Variants in TLE6 observed in about 807,000 individuals in gnomAD.
TLE6 encodes TLE family member 6, subcortical maternal complex member.
TLE6 carries 72 observed loss-of-function variants against 77.1 expected under a neutral mutation model. That is an observed-to-expected ratio of 0.93 (90% CI 0.77 to 1.14). The LOEUF (loss-of-function observed/expected upper bound fraction) is 1.14. Among genes scored for constraint, TLE6 ranks in the 50% most tolerant of loss-of-function variants. TLE6 has a pLI of 0.00. For synonymous variants in TLE6, 366 were observed against 287.3 expected, an observed-to-expected ratio of 1.27 and a Z score of -2.77; for missense variants, 843 against 747.6, an observed-to-expected ratio of 1.13 and a Z score of -1.49.
chr19:2,980,824 G>A (rs925292126), intron 3 of TLE6, among the ~76,000 whole-genome samples: 1 of 152,006 alleles, frequency 6.6e-6, no homozygotes, highest in African/African-American at 2.4e-5. Context: ...GCAGAGGCAG[G>A]AAGATCGCTT....
chr19:2,989,127 G>A lies in TLE6; in HGVS notation c.807G>A (p.Lys269=), dbSNP rs959607503. Residue 269 remains lysine (K), a synonymous_variant, in exon 12 of 17, where the codon AAG becomes AAA. Transcript: ENST00000246112. ...CAGATGCCTTGCCCGGGCAGTCAAA[G>A]AGACTCGCCGTCCCGTGCAAACTGG... ...KRPDALPGQS[K]RLAVPCKLEK... The A allele has an allele frequency of 6.2e-7, 1 of 1,614,168 alleles. No individual in the cohort carries two copies. The highest frequency in any genetic ancestry group is 8.5e-7 in the Non-Finnish European group (1 of 1,180,052).
intron 3 of TLE6, 200 bp downstream of exon 3, chr19:2,980,382 A>T: frequency 4.9e-6 from 2 of 409,236 alleles, no homozygotes; most frequent in Non-Finnish European, 8.9e-6. Flanking sequence ...ACCAACAAAT[A>T]TTAAAATTTT....
Position 2,991,937 on chromosome 19 carries a change from G to A in TLE6, c.1339G>A (p.Asp447Asn), listed in dbSNP as rs2089076742. Reference protein sequence around the residue: ...GGPDACLRCWDQRTIMKPLEY... With the variant: ...GGPDACLRCWNQRTIMKPLEY... ...TCCGGATGCCTGTCTGCGGTGCTGGGACCAGAGGACCATCATGAAACCTCT... is the reference window on the plus strand; with the variant it reads ...TCCGGATGCCTGTCTGCGGTGCTGGAACCAGAGGACCATCATGAAACCTCT... Residue 447 changes from aspartate (D) to asparagine (N), a missense_variant, in exon 14 of 17, where the codon GAC becomes AAC. By Grantham distance (23) the Asp-to-Asn change is conservative. Coordinates refer to ENST00000246112, the MANE Select transcript of TLE6 (RefSeq NM_001143986.2). The A allele has an allele frequency of 6.2e-7, 1 of 1,613,840 alleles. No homozygotes were observed. Among genetic ancestry groups the A allele is most frequent in the Admixed American group, 1.7e-5 (1 of 59,938 alleles).
At chr19:2,983,214 A>T (rs2088834974) in intron 5 of TLE6, among the ~76,000 whole-genome samples, 1 of 152,190 alleles carries the variant, frequency 6.6e-6, no homozygotes, top group Non-Finnish European at 1.5e-5. Flanking sequence ...TTCATTCAGC[A>T]GATATTTATC....
At chr19:2,989,442 A>G in intron 12 of TLE6, 93 bp from the exon 13 acceptor site, 1 of 1,569,170 alleles carries the variant, frequency 6.4e-7, no homozygotes, top group Non-Finnish European at 8.6e-7. Context: ...CTAGGAACCT[A>G]AAGGATGAAT....
intron 14 of TLE6, among the ~76,000 whole-genome samples, chr19:2,992,561 A>G (rs1244441928): frequency 6.6e-6 from 1 of 152,042 alleles, no homozygotes; most frequent in Non-Finnish European, 1.5e-5. Flanking sequence ...ACTTGAGCCC[A>G]GGAGTTTGAG....
intron 13 of TLE6, among the ~76,000 whole-genome samples, chr19:2,991,427 T>C (rs60400051): frequency 0.11 from 14,597 of 132,100 alleles, 2,966 homozygotes; most frequent in African/African-American, 0.41. Flanking sequence ...CACACACACA[T>C]ATATATAATA....
chr19:2,994,840 G>T (rs2089173229), intron 16 of TLE6, 60 bp from the exon 17 acceptor site: 1 of 973,038 alleles, frequency 1.0e-6, no homozygotes, highest in Non-Finnish European at 1.6e-6. Context: ...TGAGCTGACA[G>T]GTGGAGACCA....
intron 15 of TLE6, 23 bp downstream of exon 15, chr19:2,993,605 G>C: frequency 1.3e-6 from 2 of 1,537,576 alleles, no homozygotes; most frequent in East Asian, 2.3e-5. Flanking sequence ...CGGAAGATGA[G>C]GGGACTCCCC....
intron 5 of TLE6, among the ~76,000 whole-genome samples, chr19:2,983,432 G>C (rs2088839907): frequency 6.6e-6 from 1 of 152,096 alleles, no homozygotes. Context: ...GTCAGGGAAG[G>C]CATGCGAGAA....
intron 5 of TLE6, among the ~76,000 whole-genome samples, chr19:2,983,707 C>T (rs1041394665): frequency 2.0e-5 from 3 of 151,610 alleles, no homozygotes; most frequent in Admixed American, 6.6e-5. Context: ...GAGGTGGGAG[C>T]CATGGAGGGC....
In TLE6 at chr19:2,988,424, G is replaced by A. The variant is rs552776999; in HGVS notation, c.740+296G>A. On this transcript the variant is annotated intron_variant, in intron 11 of 16. Coordinates refer to ENST00000246112, the MANE Select transcript of TLE6 (RefSeq NM_001143986.2). ...ATCCTGGGTAACACGGTGAAACCCCGTCTCTACTAAAAATACAAAAAAAAT... is the reference window on the plus strand; with the variant it reads ...ATCCTGGGTAACACGGTGAAACCCCATCTCTACTAAAAATACAAAAAAAAT... Among the ~76,000 whole-genome samples the A allele has an allele frequency of 1.8e-3, 272 of 152,160 alleles. 1 individual carries two copies. The highest frequency in any genetic ancestry group is 3.4e-3 in the Middle Eastern group (1 of 294).
upstream of TLE6, chr19:2,977,556 G>A (rs1023023241): frequency 2.6e-5 from 4 of 152,520 alleles, no homozygotes; most frequent in African/African-American, 9.6e-5. Context: ...CCCGGTGGGG[G>A]AAGGAGGAGT....
intron 2 of TLE6, among the ~76,000 whole-genome samples, chr19:2,978,853 T>G (rs1048921191): frequency 5.9e-5 from 9 of 152,190 alleles, no homozygotes; most frequent in South Asian, 2.1e-4. Context: ...CCCTGCACTT[T>G]GCGTCCCAGA....
At chr19:2,982,227 C>T (rs1359353101) in intron 5 of TLE6, 38 bp downstream of exon 5, 14 of 1,550,060 alleles carry the variant, frequency 9.0e-6, no homozygotes, top group Non-Finnish European at 1.1e-5. Context: ...GCTGTCCCTC[C>T]ATGAAAGGCA....
At chr19:2,985,895 G>T (rs1035875916) in intron 5 of TLE6, among the ~76,000 whole-genome samples, 1 of 144,956 alleles carries the variant, frequency 6.9e-6, no homozygotes, top group African/African-American at 2.5e-5. Flanking sequence ...GGCCAACATG[G>T]TGAAACCCTG....
At chr19:2,994,536 G>T (rs991164463) in intron 16 of TLE6, among the ~76,000 whole-genome samples, 104 of 152,334 alleles carry the variant, frequency 6.8e-4, no homozygotes, top group African/African-American at 2.5e-3. Context: ...CGTGAGCCAG[G>T]GAGGCGGAGC....
chr19:2,988,045 G>A, intron 10 of TLE6, 46 bp from the exon 11 acceptor site: 1 of 1,562,126 alleles, frequency 6.4e-7, no homozygotes, highest in Non-Finnish European at 8.7e-7. Flanking sequence ...GGTGGGCACA[G>A]ATGTGCGGGG....
rs1272586283 is a variant in TLE6, at chr19:2,978,265, G to A, written c.32G>A (p.Gly11Asp). 1 of 1,551,416 alleles carries A rather than the reference G, an allele frequency of 6.4e-7. No individual in the cohort carries two copies. Among genetic ancestry groups the A allele is most frequent in the East Asian group, 2.4e-5 (1 of 40,920 alleles). The change falls in exon 2 of 17, where the codon GGC (glycine) becomes GAC (aspartate). Residue 11 changes from glycine to aspartate, a missense_variant. Coordinates refer to ENST00000246112, the MANE Select transcript of TLE6 (RefSeq NM_001143986.2). MTSRDQPRPK[G>D]PPKSTSPCPG... is the part of the protein sequence containing the mutation. ...TCTAGGGACCAGCCCAGACCCAAGG[G>A]CCCCCCGAAAAGCACTTCGGTGAGG...
Sources: gnomAD v4.1 joint callset for allele counts (sites outside exome capture counted in the v4.1 genomes callset) on GRCh38, gnomAD v4.1.1 for gene constraint, MANE v1.5 for transcripts, NCBI Gene and HGNC (gene_info 2026-07-23, HGNC 2026-07-21) for gene names.